ALG13: variants seen among roughly 807,000 people sequenced by gnomAD.
ALG13 encodes the protein ALG13 UDP-N-acetylglucosaminyltransferase subunit.
ALG13 carries 11 observed loss-of-function variants against 87.8 expected under a neutral mutation model. The observed-to-expected ratio is 0.13, with a 90% CI of 0.08 to 0.21. The LOEUF (loss-of-function observed/expected upper bound fraction) is 0.21. ALG13 is among the 10% of genes least tolerant of loss of function. ALG13 has a pLI of 1.00. For synonymous variants in ALG13, 320 were observed against 306.3 expected, an observed-to-expected ratio of 1.04 and a Z score of -0.47; for missense variants, 756 against 866.1, an observed-to-expected ratio of 0.87 and a Z score of 1.60.
Position 111,725,055 on chromosome X carries a change from G to A in ALG13, c.1723G>A (p.Glu575Lys). 8.3e-7 allele frequency: 1 copy of A among 1,210,396 alleles called. No individual in the cohort carries two copies. Among genetic ancestry groups the A allele is most frequent in the Non-Finnish European group, 1.1e-6 (1 of 894,853 alleles). Residue 575 changes from glutamate to lysine, a missense_variant, in exon 15 of 27, where the codon GAA (glutamate) becomes AAA (lysine). Physicochemically the swap from Glu to Lys is moderately conservative, Grantham distance 56 (BLOSUM62 1). This residue lies in a region of ALG13 where 362 missense variants were observed against 383.5 expected (regional missense o/e 0.94). Coordinates refer to ENST00000394780, the MANE Select transcript of ALG13 (RefSeq NM_001099922.3). ...YQKMPGGYVP[E>K]IVISEMDIKQ... ...GAAAATGCCTGGGGGTTATGTCCCG[G>A]AAATAGGTTTGTATGCTAAAGGTTG...
At position 111,701,536 on chromosome X, in the gene ALG13, A is replaced by G. The variant is rs139937932; in HGVS notation, c.384-6491A>G. Among the ~76,000 whole-genome samples, 150 of 111,906 alleles carry G rather than the reference A, an allele frequency of 1.3e-3. 1 individual carries two copies. The East Asian group carries it at 0.016, about 12-fold the overall frequency. On this transcript the variant is annotated intron_variant, in intron 3 of 26. Coordinates refer to ENST00000394780, the MANE Select transcript of ALG13 (RefSeq NM_001099922.3). ...TGTGATCCTTTGTATTTCTGTGATAACAGTTGTAATGTCTCCTATTCCATT... is the reference window on the plus strand; with the variant it reads ...TGTGATCCTTTGTATTTCTGTGATAGCAGTTGTAATGTCTCCTATTCCATT...
intron 23 of ALG13, chrX:111,743,899 T>C (rs1161988663): frequency 1.8e-5 from 2 of 108,257 alleles, no homozygotes; most frequent in Non-Finnish European, 3.8e-5. Context: ...GTATCATTCA[T>C]CTTTTGTAAA....
At chrX:111,710,141 CA>C (rs1180512924) in intron 5 of ALG13, among the ~76,000 whole-genome samples, 2 of 109,623 alleles carry the variant, frequency 1.8e-5, no homozygotes, top group East Asian at 5.8e-4. Context: ...GCAATCCTCC[CA>C]CCTCAGCCTC....
chrX:111,709,080 G>T (rs1232350790), intron 5 of ALG13, 32 bp downstream of exon 5: 1 of 912,910 alleles, frequency 1.1e-6, no homozygotes, highest in Non-Finnish European at 1.5e-6. Context: ...GGGAGAACTG[G>T]TAGAGTGTGT....
chrX:111,686,017 G>A, intron 3 of ALG13: 1 of 413,791 alleles, frequency 2.4e-6, no homozygotes, highest in Non-Finnish European at 3.6e-6. Context: ...AGCCATTGAA[G>A]TATTTTAAGC....
At chrX:111,709,283 C>T (rs1939313770) in intron 5 of ALG13, among the ~76,000 whole-genome samples, 2 of 112,020 alleles carry the variant, frequency 1.8e-5, no homozygotes, top group South Asian at 3.7e-4. Context: ...CACTACTTAC[C>T]TCGTCCTACG....
intron 24 of ALG13, among the ~76,000 whole-genome samples, chrX:111,750,867 C>T (rs189737375): frequency 4.8e-4 from 52 of 108,880 alleles, no homozygotes; most frequent in African/African-American, 1.7e-3. Flanking sequence ...TGGAGTTTCT[C>T]CATGTTGGCC....
chrX:111,690,669 G>T (rs1288123242), intron 3 of ALG13, among the ~76,000 whole-genome samples: 1 of 109,251 alleles, frequency 9.2e-6, no homozygotes, highest in Non-Finnish European at 1.9e-5. Flanking sequence ...GCCCAGGCTG[G>T]TCGTGAACTC....
At position 111,726,800 on chromosome X, in the gene ALG13, G is replaced by C. The variant is rs767872924; in HGVS notation, c.1730-9G>C. 9.1e-6 allele frequency: 11 copies of C among 1,210,443 alleles called. No homozygotes were observed. Among genetic ancestry groups the C allele is most frequent in the Non-Finnish European group, 1.1e-5 (10 of 894,778 alleles). The stretch of plus-strand genomic sequence containing the variant: ...AAGCTTATTTGCTACCTCTTTGTTT[G>C]CCTGAAAGTTATATCAGAGATGGAC... On this transcript the variant is annotated splice_polypyrimidine_tract_variant and intron_variant, in intron 15 of 26. Transcript: ENST00000394780.
intron 5 of ALG13, among the ~76,000 whole-genome samples, 159 bp downstream of exon 5, chrX:111,709,207 T>C (rs1279675635): frequency 8.9e-6 from 1 of 112,117 alleles, no homozygotes; most frequent in Non-Finnish European, 1.9e-5. Flanking sequence ...ACATGCTTCT[T>C]GAGCCTCTGC....
intron 24 of ALG13, among the ~76,000 whole-genome samples, chrX:111,746,657 A>G (rs1944265355): frequency 2.7e-5 from 3 of 112,444 alleles, no homozygotes; most frequent in Non-Finnish European, 5.6e-5. Context: ...TTCTTGTAGA[A>G]GTCTTTGTAA....
chrX:111,709,123 A>C, intron 5 of ALG13, 75 bp downstream of exon 5: 1 of 561,012 alleles, frequency 1.8e-6, no homozygotes. Context: ...AGCACCTACC[A>C]AAATTAAACT....
At chrX:111,727,087 T>G in intron 16 of ALG13, 32 bp downstream of exon 16, 2 of 1,203,259 alleles carry the variant, frequency 1.7e-6, no homozygotes, top group Non-Finnish European at 2.2e-6. Flanking sequence ...ATTTTCATGG[T>G]CTAGGGAAAT....
chrX:111,726,706 A>G, intron 15 of ALG13, 103 bp from the exon 16 acceptor site: 1 of 938,531 alleles, frequency 1.1e-6, no homozygotes, highest in Non-Finnish European at 1.5e-6. Context: ...GTTTGTTCCT[A>G]GGGGAAGCAT....
intron 5 of ALG13, among the ~76,000 whole-genome samples, chrX:111,710,587 C>CA (rs1223840821): frequency 8.9e-6 from 1 of 111,763 alleles, no homozygotes; most frequent in Admixed American, 9.4e-5. Flanking sequence ...TAGAGGGGCA[C>CA]AAGGGTACTT....
At chrX:111,705,200 A>C (rs1458055121) in intron 3 of ALG13, among the ~76,000 whole-genome samples, 1 of 111,759 alleles carries the variant, frequency 8.9e-6, no homozygotes, top group African/African-American at 3.3e-5. Flanking sequence ...ATGATGTCTT[A>C]TTGTGGTTCT....
At chrX:111,731,309 AT>A (rs929429537) in intron 21 of ALG13, among the ~76,000 whole-genome samples, 1 of 111,568 alleles carries the variant, frequency 9.0e-6, no homozygotes, top group Non-Finnish European at 1.9e-5. Flanking sequence ...CAGAGGTTTT[AT>A]TTTTTCCCCC....
intron 23 of ALG13, among the ~76,000 whole-genome samples, chrX:111,743,168 A>G (rs1035734483): frequency 1.8e-5 from 2 of 111,947 alleles, no homozygotes; most frequent in Non-Finnish European, 3.8e-5. Flanking sequence ...ATCACATTCT[A>G]CTATCTTCAG....
intron 3 of ALG13, chrX:111,685,321 A>G (rs1307967475): frequency 5.6e-6 from 2 of 358,450 alleles, no homozygotes; most frequent in Non-Finnish European, 9.6e-6. Context: ...GTTTCTTTGC[A>G]TATGTGAATA....
Sources: gnomAD v4.1 joint callset for allele counts (sites outside exome capture counted in the v4.1 genomes callset) on GRCh38, gnomAD v4.1.1 for gene constraint, gnomAD v4.1.1 regional missense constraint, MANE v1.5 for transcripts, NCBI Gene and HGNC (gene_info 2026-07-23, HGNC 2026-07-21) for gene names.